Variants in CTNNA2 observed in about 807,000 individuals in gnomAD.
CTNNA2 encodes catenin alpha-2.
A neutral mutation model predicts 101.0 loss-of-function variants in CTNNA2; 42 were observed. That is an observed-to-expected ratio of 0.42 (90% CI 0.32 to 0.54). CTNNA2 has a LOEUF of 0.54. CTNNA2 is among the 20% of genes least tolerant of loss of function. The pLI is 0.14. For missense variants in CTNNA2, 871 were observed against 1,223.1 expected (o/e 0.71, Z 4.29); for synonymous variants, 450 against 456.4 (o/e 0.99, Z 0.18).
intron 7 of CTNNA2, among the ~76,000 whole-genome samples, chr2:79,981,067 A>G (rs1198606512): frequency 6.6e-6 from 1 of 152,066 alleles, no homozygotes; most frequent in Non-Finnish European, 1.5e-5. Flanking sequence ...ATTCTGAAAG[A>G]TGTTTTGTCA....
intron 1 of CTNNA2, among the ~76,000 whole-genome samples, chr2:79,630,111 C>T (rs575354782): frequency 2.6e-4 from 40 of 152,298 alleles, no homozygotes; most frequent in African/African-American, 8.9e-4. Context: ...TCACACTTAA[C>T]GTACCCTGCT....
chr2:80,569,166 G>C (rs1274908363), intron 12 of CTNNA2, among the ~76,000 whole-genome samples: 2 of 152,080 alleles, frequency 1.3e-5, no homozygotes, highest in African/African-American at 4.8e-5. Flanking sequence ...CATCCCTGAC[G>C]TCTCTCAGGA....
intron 9 of CTNNA2, among the ~76,000 whole-genome samples, chr2:80,457,985 C>T (rs1317133873): frequency 6.6e-6 from 1 of 152,190 alleles, no homozygotes; most frequent in African/African-American, 2.4e-5. Flanking sequence ...CTAGTGCCTT[C>T]CTTCACCCTT....
At chr2:79,552,300 C>G (rs532148486) in intron 1 of CTNNA2, among the ~76,000 whole-genome samples, 2 of 152,286 alleles carry the variant, frequency 1.3e-5, no homozygotes, top group East Asian at 3.9e-4. Context: ...TCTCCTTTGA[C>G]TCCGTGTCTC....
chr2:79,489,642 C>A (rs943041697), intron 4 of CTNNA2, among the ~76,000 whole-genome samples: 6 of 152,108 alleles, frequency 3.9e-5, no homozygotes, highest in Non-Finnish European at 8.8e-5. Flanking sequence ...TGTATCTACC[C>A]CAAGGAGGCA....
At chr2:79,902,459 A>T (rs2104285975) in intron 6 of CTNNA2, among the ~76,000 whole-genome samples, 1 of 152,162 alleles carries the variant, frequency 6.6e-6, no homozygotes, top group African/African-American at 2.4e-5. Context: ...TATGAAGGCG[A>T]TAGATTTTGC....
chr2:80,064,448 C>T (rs190938806), intron 7 of CTNNA2, among the ~76,000 whole-genome samples: 4 of 152,192 alleles, frequency 2.6e-5, no homozygotes, highest in Admixed American at 2.6e-4. Context: ...GCTCAAACAA[C>T]AGGCATATAT....
intron 3 of CTNNA2, among the ~76,000 whole-genome samples, chr2:79,333,505 C>A (rs1409933064): frequency 6.6e-6 from 1 of 152,106 alleles, no homozygotes; most frequent in African/African-American, 2.4e-5. Context: ...GAATTAAACA[C>A]ACAATGTATA....
intron 9 of CTNNA2, among the ~76,000 whole-genome samples, chr2:80,470,356 A>T (rs1454054903): frequency 1.3e-5 from 2 of 152,104 alleles, no homozygotes; most frequent in African/African-American, 2.4e-5. Context: ...ATAAAGGGCC[A>T]GATAAGGATT....
intron 2 of CTNNA2, among the ~76,000 whole-genome samples, chr2:79,658,548 A>T (rs994610817): frequency 2.6e-5 from 4 of 152,088 alleles, no homozygotes; most frequent in Non-Finnish European, 4.4e-5. Flanking sequence ...TGCTTATTGC[A>T]TTAACAAAAG....
chr2:80,007,011 C>T (rs905530944), intron 7 of CTNNA2, among the ~76,000 whole-genome samples: 6 of 151,908 alleles, frequency 3.9e-5, no homozygotes, highest in East Asian at 1.9e-4. Flanking sequence ...TCAATGTTAC[C>T]CTTTATAAAT....
rs533718883 is a variant in CTNNA2 at position 79,959,505 on chromosome 2, C to G, written c.1056+49708C>G. ...TTTTCAATAGCTAGAGTGGGTTTGT[C>G]TTACGCCACTCTTAATGCCTTGCCT... On this transcript the variant is annotated intron_variant, in intron 7 of 18. Coordinates refer to ENST00000402739, the MANE Select transcript of CTNNA2 (RefSeq NM_001282597.3). 2.0e-5 allele frequency among the ~76,000 whole-genome samples: 3 copies of G among 152,174 alleles called. No homozygotes were observed. In the East Asian group the frequency reaches 5.8e-4, roughly 29 times the overall value.
At chr2:79,375,286 C>G (rs1677954494) in intron 4 of CTNNA2, among the ~76,000 whole-genome samples, 1 of 152,196 alleles carries the variant, frequency 6.6e-6, no homozygotes, top group African/African-American at 2.4e-5. Flanking sequence ...TCTTGTTGAC[C>G]AAGTTAGCCT....
In CTNNA2 at chr2:80,553,720, C is replaced by T. The variant is rs78961944; in HGVS notation, c.1541-1973C>T. 2.2e-3 allele frequency among the ~76,000 whole-genome samples: 335 copies of T among 152,300 alleles called. 7 individuals are homozygous for T. In the East Asian group the frequency reaches 0.049, roughly 22 times the overall value. Reference sequence around the variant, plus strand: ...ACACAAATCCTTTTCTAGTTACTTACTCTCAAGGGCCAGGACACATTTTAA... The same window carrying T: ...ACACAAATCCTTTTCTAGTTACTTATTCTCAAGGGCCAGGACACATTTTAA... On this transcript the variant is annotated intron_variant, in intron 11 of 18. Coordinates refer to ENST00000402739, the MANE Select transcript of CTNNA2 (RefSeq NM_001282597.3).
intron 4 of CTNNA2, among the ~76,000 whole-genome samples, chr2:79,434,114 C>T (rs1678687165): frequency 6.6e-6 from 1 of 151,624 alleles, no homozygotes; most frequent in Non-Finnish European, 1.5e-5. Flanking sequence ...GCCAACATGG[C>T]AAAACCCATT....
chr2:79,378,818 G>A (rs887146106), intron 4 of CTNNA2, among the ~76,000 whole-genome samples: 3 of 152,044 alleles, frequency 2.0e-5, no homozygotes, highest in Non-Finnish European at 2.9e-5. Flanking sequence ...TTTTTTCTTG[G>A]TATTAAGTAT....
At chr2:80,560,578 A>G (rs1693493288) in intron 12 of CTNNA2, among the ~76,000 whole-genome samples, 2 of 152,140 alleles carry the variant, frequency 1.3e-5, no homozygotes, top group African/African-American at 4.8e-5. Context: ...AGTCCCCTGT[A>G]TAAACCCTCT....
intron 7 of CTNNA2, among the ~76,000 whole-genome samples, chr2:80,371,108 C>T (rs186499014): frequency 7.4e-4 from 113 of 152,246 alleles, no homozygotes; most frequent in South Asian, 3.5e-3. Flanking sequence ...AAGGGTACTT[C>T]TCAAATGAGG....
intron 18 of CTNNA2, among the ~76,000 whole-genome samples, chr2:80,636,326 A>G (rs1015753564): frequency 6.6e-6 from 1 of 152,174 alleles, no homozygotes; most frequent in Non-Finnish European, 1.5e-5. Flanking sequence ...CGAATAAAAG[A>G]TTAAAAATTA....
Sources: gnomAD v4.1 joint callset for allele counts (sites outside exome capture counted in the v4.1 genomes callset) on GRCh38, gnomAD v4.1.1 for gene constraint, MANE v1.5 for transcripts, NCBI Gene and HGNC (gene_info 2026-07-23, HGNC 2026-07-21) for gene names.